Variants in CPNE4 observed in about 807,000 individuals in gnomAD.
CPNE4 encodes copine-4.
Under a neutral mutation model 67.9 loss-of-function variants are expected in CPNE4, and 25 were observed. The ratio of observed to expected loss-of-function variants is 0.37; its 90% CI spans 0.27 to 0.51. The LOEUF is 0.51. Ranked by LOEUF, CPNE4 falls within the 20% of genes least tolerant of loss-of-function variation. The pLI is 0.93. For missense variants in CPNE4, 464 were observed against 690.8 expected (o/e 0.67, Z 3.68); for synonymous variants, 242 against 244.9 (o/e 0.99, Z 0.11).
intron 7 of CPNE4, chr3:131,620,446 A>G (rs1022273611): frequency 1.0e-6 from 1 of 985,206 alleles, no homozygotes; most frequent in Middle Eastern, 5.2e-4. Context: ...TGAGTTACTC[A>G]CCATGTTCAG....
chr3:131,932,510 T>G (rs1296463127), intron 1 of CPNE4, among the ~76,000 whole-genome samples: 2 of 152,000 alleles, frequency 1.3e-5, no homozygotes, highest in Non-Finnish European at 2.9e-5. Context: ...CCTACATAAC[T>G]GGATAAAGGC....
chr3:132,020,662 A>G (rs6804825), intron 1 of CPNE4, among the ~76,000 whole-genome samples: 104,557 of 151,990 alleles, frequency 0.69, 36,833 homozygotes, highest in Middle Eastern at 0.75. Context: ...CATCATCTCC[A>G]CCCCTCCAAG....
intron 1 of CPNE4, among the ~76,000 whole-genome samples, chr3:132,030,288 C>CTTA (rs1666139651): frequency 6.6e-6 from 1 of 152,130 alleles, no homozygotes; most frequent in Admixed American, 6.5e-5. Context: ...CTTATTTGAG[C>CTTA]TTTAGTTTCC....
chr3:131,583,832 T>C (rs550962118), intron 8 of CPNE4, among the ~76,000 whole-genome samples: 10 of 152,256 alleles, frequency 6.6e-5, no homozygotes, highest in Admixed American at 5.9e-4. Context: ...ACAGCCCACT[T>C]TGACAGATGG....
chr3:131,703,570 C>T (rs2081353633), intron 3 of CPNE4, among the ~76,000 whole-genome samples: 1 of 152,144 alleles, frequency 6.6e-6, no homozygotes, highest in Non-Finnish European at 1.5e-5. Context: ...TGCACTGTTT[C>T]ATTAAGTGGG....
chr3:131,975,061 T>C, intron 1 of CPNE4, among the ~76,000 whole-genome samples: 1 of 152,014 alleles, frequency 6.6e-6, no homozygotes, highest in East Asian at 1.9e-4. Context: ...AACCATCAAA[T>C]TTTTTTCAAA....
chr3:131,864,977 C>T (rs150563561), intron 2 of CPNE4, among the ~76,000 whole-genome samples: 2 of 152,142 alleles, frequency 1.3e-5, no homozygotes, highest in East Asian at 3.9e-4. Context: ...TGGTTTTCGT[C>T]GTTGGTTCCA....
At chr3:131,769,793 G>A (rs2083117896) in intron 2 of CPNE4, among the ~76,000 whole-genome samples, 1 of 152,118 alleles carries the variant, frequency 6.6e-6, no homozygotes, top group Non-Finnish European at 1.5e-5. Context: ...TGAACTATGA[G>A]TGATTTTTTG....
At chr3:131,597,821 T>G (rs777876609) in intron 7 of CPNE4, among the ~76,000 whole-genome samples, 15 of 152,232 alleles carry the variant, frequency 9.9e-5, no homozygotes, top group Non-Finnish European at 5.9e-5. Flanking sequence ...ATCACTGGCT[T>G]GTGAGTATAT....
At chr3:131,837,492 C>T (rs1363664532) in intron 2 of CPNE4, among the ~76,000 whole-genome samples, 2 of 152,008 alleles carry the variant, frequency 1.3e-5, no homozygotes, top group African/African-American at 4.8e-5. Flanking sequence ...GACAAAATTA[C>T]AGTGATGGAG....
At chr3:131,912,796 A>C (rs2089032260) in intron 1 of CPNE4, among the ~76,000 whole-genome samples, 1 of 152,134 alleles carries the variant, frequency 6.6e-6, no homozygotes, top group South Asian at 2.1e-4. Context: ...CACCATCATC[A>C]CAAATCACCT....
At chr3:131,881,411 G>A (rs993401945) in intron 2 of CPNE4, among the ~76,000 whole-genome samples, 1 of 151,870 alleles carries the variant, frequency 6.6e-6, no homozygotes, top group African/African-American at 2.4e-5. Context: ...AATTCTGTAA[G>A]TTCTTTCCTA....
At chr3:131,867,081 A>G (rs533457440) in intron 2 of CPNE4, among the ~76,000 whole-genome samples, 1 of 152,352 alleles carries the variant, frequency 6.6e-6, no homozygotes, top group African/African-American at 2.4e-5. Context: ...AATTCAGGTG[A>G]GAAGTCAAAA....
chr3:131,566,486 T>C (rs559380361), intron 10 of CPNE4, among the ~76,000 whole-genome samples: 2 of 150,000 alleles, frequency 1.3e-5, no homozygotes, highest in Non-Finnish European at 3.0e-5. Flanking sequence ...AGGACTACGA[T>C]GAAAAGCTGG....
chr3:131,960,114 A>G (rs114058165), intron 1 of CPNE4, among the ~76,000 whole-genome samples: 1 of 97,372 alleles, frequency 1.0e-5, no homozygotes, highest in Non-Finnish European at 2.3e-5. Context: ...GAAAGCAGAG[A>G]AAGAGTGGAG....
intron 2 of CPNE4, among the ~76,000 whole-genome samples, chr3:131,797,825 A>G (rs1196647203): frequency 6.6e-6 from 1 of 152,144 alleles, no homozygotes; most frequent in African/African-American, 2.4e-5. Flanking sequence ...AAGTGCACTC[A>G]GTGAATAAAA....
At position 131,959,423 on chromosome 3, in the gene CPNE4, G is replaced by A. The variant is rs139454075; in HGVS notation, c.-1-53979C>T. 4.7e-3 allele frequency among the ~76,000 whole-genome samples: 718 copies of A among 152,274 alleles called. 6 individuals are homozygous for A. Among genetic ancestry groups the A allele is most frequent in the African/African-American group, 0.017 (696 of 41,542 alleles). Reference sequence around the variant, plus strand: ...AATGAGATAAATACAAGTAAAGTGTGTAGAGTACAGTTCAAACACTGTACT... The same window carrying A: ...AATGAGATAAATACAAGTAAAGTGTATAGAGTACAGTTCAAACACTGTACT... On this transcript the variant is annotated intron_variant, in intron 1 of 15. Coordinates refer to ENST00000429747, the MANE Select transcript of CPNE4 (RefSeq NM_130808.3).
chr3:131,636,368 G>C (rs1455574372), intron 7 of CPNE4, among the ~76,000 whole-genome samples: 2 of 152,100 alleles, frequency 1.3e-5, no homozygotes, highest in Non-Finnish European at 2.9e-5. Flanking sequence ...TGTGACTGCT[G>C]TCTTTCCTCT....
chr3:131,596,790 TC>T (rs1938907112), intron 7 of CPNE4, among the ~76,000 whole-genome samples: 1 of 152,114 alleles, frequency 6.6e-6, no homozygotes, highest in Admixed American at 6.5e-5. Context: ...CCCTAAAATT[TC>T]CAGTCTGCCC....
Sources: gnomAD v4.1 joint callset for allele counts (sites outside exome capture counted in the v4.1 genomes callset) on GRCh38, gnomAD v4.1.1 for gene constraint, MANE v1.5 for transcripts, NCBI Gene and HGNC (gene_info 2026-07-23, HGNC 2026-07-21) for gene names.